Variants in GCNT2 observed in about 807,000 individuals in gnomAD.
GCNT2 encodes glucosaminyl (N-acetyl) transferase 2 (I blood group).
In GCNT2, 34 loss-of-function variants were observed where a neutral mutation model predicts 34.2. That is an observed-to-expected ratio of 1.00 (90% confidence interval 0.76 to 1.32). GCNT2 has a LOEUF of 1.32. GCNT2 is among the 40% of genes most tolerant of loss of function. The pLI is 0.00. For synonymous variants in GCNT2, 212 were observed against 188.0 expected, an observed-to-expected ratio of 1.13 and a Z score of -1.04; for missense variants, 584 against 489.4, an observed-to-expected ratio of 1.19 and a Z score of -1.82.
intron 3 of GCNT2, among the ~76,000 whole-genome samples, chr6:10,536,839 G>A (rs1761783773): frequency 6.6e-6 from 1 of 151,598 alleles, no homozygotes; most frequent in African/African-American, 2.4e-5. Context: ...GAGTACCTGG[G>A]ACTACAACCT....
intron 3 of GCNT2, among the ~76,000 whole-genome samples, chr6:10,609,574 AG>A (rs1340536243): frequency 1.3e-5 from 2 of 152,130 alleles, no homozygotes; most frequent in African/African-American, 4.8e-5. Flanking sequence ...AGATTGTAAA[AG>A]CTCTTATGTG....
At chr6:10,595,557 G>A (rs887236739) in intron 3 of GCNT2, among the ~76,000 whole-genome samples, 1 of 143,330 alleles carries the variant, frequency 7.0e-6, no homozygotes, top group Non-Finnish European at 1.5e-5. Flanking sequence ...GATTACAGGC[G>A]TGCCACTCTG....
At chr6:10,522,438 G>A (rs1022752334) in intron 1 of GCNT2, among the ~76,000 whole-genome samples, 6 of 152,084 alleles carry the variant, frequency 3.9e-5, no homozygotes, top group East Asian at 3.8e-4. Context: ...TTTGAGAGTC[G>A]TCACTTGTAA....
At position 10,543,208 on chromosome 6, in the gene GCNT2, C is replaced by CT. The variant is rs751251675; in HGVS notation, c.925+13380dup. Among the ~76,000 whole-genome samples, 152 of 151,256 alleles carry CT rather than the reference C, an allele frequency of 1.0e-3. 1 individual carries two copies. Among genetic ancestry groups the CT allele is most frequent in the Non-Finnish European group, 1.9e-3 (132 of 67,786 alleles). On this transcript the variant is annotated intron_variant, in intron 3 of 4. Coordinates refer to ENST00000495262, the MANE Select transcript of GCNT2 (RefSeq NM_145649.5). ...CAGGAGTGAGCCACCACGCCCGGCC[C>CT]TTTTTTTTAAATTGAGACAGAGTCT...
intron 3 of GCNT2, among the ~76,000 whole-genome samples, chr6:10,531,590 T>TCATA (rs1325609630): frequency 6.6e-6 from 1 of 152,204 alleles, no homozygotes; most frequent in Non-Finnish European, 1.5e-5. Context: ...ATACAAAGCT[T>TCATA]CATAGGCTTA....
chr6:10,565,690 A>G (rs549249398), intron 3 of GCNT2, among the ~76,000 whole-genome samples: 1 of 152,194 alleles, frequency 6.6e-6, no homozygotes, highest in Non-Finnish European at 1.5e-5. Flanking sequence ...TACCTACAAC[A>G]GTCTTGGTAA....
intron 3 of GCNT2, among the ~76,000 whole-genome samples, chr6:10,534,692 C>T (rs1481451326): frequency 2.0e-5 from 3 of 151,122 alleles, no homozygotes; most frequent in African/African-American, 7.3e-5. Flanking sequence ...GATACCTTGT[C>T]TCTACAAAAA....
At chr6:10,553,900 A>G (rs1211470836) in intron 3 of GCNT2, among the ~76,000 whole-genome samples, 1 of 152,232 alleles carries the variant, frequency 6.6e-6, no homozygotes, top group Non-Finnish European at 1.5e-5. Flanking sequence ...CCTCAAAGGA[A>G]AAAAACCAAA....
chr6:10,551,725 G>A (rs1762490167), intron 3 of GCNT2, among the ~76,000 whole-genome samples: 1 of 151,802 alleles, frequency 6.6e-6, no homozygotes, highest in Non-Finnish European at 1.5e-5. Context: ...TTACGGGCAT[G>A]AGCCACTGCG....
At chr6:10,588,733 G>T (rs1437640888) in intron 3 of GCNT2, among the ~76,000 whole-genome samples, 1 of 151,536 alleles carries the variant, frequency 6.6e-6, no homozygotes, top group Non-Finnish European at 1.5e-5. Context: ...TGTGTGTGGT[G>T]TCCCAATATG....
In GCNT2 at chr6:10,626,872, G is replaced by A; in HGVS notation, c.*265G>A. ...TCACCTCTATATTAGTTTATTGTTA[G>A]GATCAATGATAAATTTAAATGACCT... On this transcript the variant is annotated 3_prime_UTR_variant, in exon 5 of 5. Coordinates refer to ENST00000495262, the MANE Select transcript of GCNT2 (RefSeq NM_145649.5). 2.2e-6 allele frequency: 1 copy of A among 444,856 alleles called. No homozygotes were observed. Among genetic ancestry groups the A allele is most frequent in the Non-Finnish European group, 4.1e-6 (1 of 243,684 alleles). 27.6% of individuals were successfully genotyped at this position (444,856 alleles called of 1,614,324 possible).
intron 3 of GCNT2, chr6:10,530,062 C>T (rs1205040190): frequency 3.9e-6 from 2 of 511,638 alleles, no homozygotes; most frequent in Non-Finnish European, 7.0e-6. Context: ...GGAACACTGG[C>T]CATATAAATA....
chr6:10,615,637 T>A (rs1267150989), intron 3 of GCNT2, among the ~76,000 whole-genome samples: 3 of 152,018 alleles, frequency 2.0e-5, no homozygotes, highest in Non-Finnish European at 4.4e-5. Context: ...GAATTCAGGG[T>A]GAGTCTTCAG....
At position 10,529,248 on chromosome 6, in the gene GCNT2, C is replaced by G; in HGVS notation, c.337C>G (p.Leu113Val). 6.2e-7 allele frequency: 1 copy of G among 1,614,162 alleles called. No individual in the cohort carries two copies. Among genetic ancestry groups the G allele is most frequent in the Non-Finnish European group, 8.5e-7 (1 of 1,180,016 alleles). The change falls in exon 3 of 5, where the codon CTC becomes GTC. Residue 113 changes from leucine (L) to valine (V), a missense_variant. Physicochemically the swap from Leu to Val is conservative, Grantham distance 32. Coordinates refer to ENST00000495262, the MANE Select transcript of GCNT2 (RefSeq NM_145649.5). ...IHKDFGTFER[L>V]FRAIYMPQNV... ...CAAAGACTTCGGCACTTTTGAGAGG[C>G]TCTTCAGGGCGATTTATATGCCCCA...
At chr6:10,599,171 G>C (rs888841752) in intron 3 of GCNT2, among the ~76,000 whole-genome samples, 2 of 152,130 alleles carry the variant, frequency 1.3e-5, no homozygotes, top group Non-Finnish European at 2.9e-5. Context: ...AGCTCATCCT[G>C]CACAAGGAAT....
rs1242140217 is a variant in GCNT2, at chr6:10,542,890, ATTCTTTTTT to A, written c.925+13057_925+13065del. Among the ~76,000 whole-genome samples the A allele has an allele frequency of 9.2e-3, 986 of 107,520 alleles. 11 individuals carry two copies. The highest frequency in any genetic ancestry group is 0.042 in the African/African-American group (933 of 22,196). 70.5% of individuals were successfully genotyped at this position (107,520 alleles called of 152,430 possible). A position where few individuals can be genotyped will look rare whatever the true frequency, so the allele number is the denominator to read the frequency against. ...AGTGAAACTGCTGGTCCCTATGTTA[ATTCTTTTTT>A]TTTTTTTTTTTTTTTTTTTAATTTT... is the stretch of plus-strand genomic sequence containing the variant. On this transcript the variant is annotated intron_variant, in intron 3 of 4. Coordinates refer to ENST00000495262, the MANE Select transcript of GCNT2 (RefSeq NM_145649.5).
intron 3 of GCNT2, among the ~76,000 whole-genome samples, chr6:10,538,828 A>C (rs1301288914): frequency 6.6e-6 from 1 of 152,178 alleles, no homozygotes; most frequent in East Asian, 1.9e-4. Context: ...CAGAGGAATA[A>C]CCAGAGACAT....
chr6:10,541,718 G>A (rs1762042456), intron 3 of GCNT2, among the ~76,000 whole-genome samples: 1 of 152,170 alleles, frequency 6.6e-6, no homozygotes, highest in Admixed American at 6.5e-5. Flanking sequence ...AAGGGACTCT[G>A]AATTCAATTC....
At chr6:10,574,592 G>T (rs976771228) in intron 3 of GCNT2, among the ~76,000 whole-genome samples, 1 of 152,138 alleles carries the variant, frequency 6.6e-6, no homozygotes, top group Non-Finnish European at 1.5e-5. Flanking sequence ...AATTTAGGAT[G>T]GGGGGAGCAT....
Sources: allele counts gnomAD v4.1 joint callset (sites outside exome capture counted in the v4.1 genomes callset), GRCh38; gene constraint gnomAD v4.1.1; transcripts MANE v1.5; gene names NCBI Gene and HGNC (gene_info 2026-07-23, HGNC 2026-07-21).